Variants in HK2 observed in about 807,000 individuals in gnomAD.
HK2 encodes hexokinase-2.
A neutral mutation model predicts 92.9 loss-of-function variants in HK2; 42 were observed. The observed-to-expected ratio is 0.45, with a 90% CI of 0.35 to 0.58. The LOEUF is 0.58. Ranked by LOEUF, HK2 falls within the 20% of genes least tolerant of loss-of-function variation. The pLI is 0.00. For synonymous variants in HK2, 422 were observed against 468.0 expected (o/e 0.90, Z 1.27); for missense variants, 978 against 1,245.1 (o/e 0.79, Z 3.23).
In HK2 at chr2:74,890,604, G is replaced by A. The variant is rs114508054; in HGVS notation, c.2610-193G>A. On this transcript the variant is annotated intron_variant, in intron 17 of 17. Coordinates refer to ENST00000290573, the MANE Select transcript of HK2 (RefSeq NM_000189.5). ...TGTGGAAATTGGGCATAGTACTAGT[G>A]TCTCCAAGCCACGGTTTTCTGGTAC... Among the ~76,000 whole-genome samples, 465 of 152,290 alleles carry A rather than the reference G, an allele frequency of 3.1e-3. 1 individual carries two copies. Among genetic ancestry groups the A allele is most frequent in the African/African-American group, 0.011 (439 of 41,554 alleles).
At chr2:74,866,800 A>G (rs553710441) in intron 2 of HK2, among the ~76,000 whole-genome samples, 5 of 152,244 alleles carry the variant, frequency 3.3e-5, no homozygotes, top group African/African-American at 1.2e-4. Flanking sequence ...GATAAGCCTG[A>G]GATCCTTTGA....
At chr2:74,844,139 G>A (rs1318976490) in intron 1 of HK2, among the ~76,000 whole-genome samples, 1 of 152,200 alleles carries the variant, frequency 6.6e-6, no homozygotes, top group Non-Finnish European at 1.5e-5. Flanking sequence ...GTTTCATGGG[G>A]TTATGAGTCA....
At chr2:74,856,045 C>T (rs1024111973) in intron 2 of HK2, among the ~76,000 whole-genome samples, 2 of 152,056 alleles carry the variant, frequency 1.3e-5, no homozygotes, top group African/African-American at 4.8e-5. Context: ...GGGGCAGCTG[C>T]CAGGGCAGAG....
In HK2 at chr2:74,891,324, G is replaced by A. The variant is rs867107806; in HGVS notation, c.*383G>A. Reference sequence around the variant, plus strand: ...CCTGAACATGACATTTCTAAGTGGGGTGCATCCCCCAGCACTGATGTTGTT... The same window carrying A: ...CCTGAACATGACATTTCTAAGTGGGATGCATCCCCCAGCACTGATGTTGTT... On this transcript the variant is annotated 3_prime_UTR_variant, in exon 18 of 18. Transcript: ENST00000290573. 1 of 322,004 alleles carries A rather than the reference G, an allele frequency of 3.1e-6. No homozygotes were observed. The highest frequency in any genetic ancestry group is 2.2e-5 in the African/African-American group (1 of 46,254). 19.9% of individuals were successfully genotyped at this position (322,004 alleles called of 1,614,324 possible). A position where few individuals can be genotyped will look rare whatever the true frequency, so the allele number is the denominator to read the frequency against.
At chr2:74,877,515 A>AT (rs906060193) in intron 8 of HK2, among the ~76,000 whole-genome samples, 194 bp downstream of exon 8, 2 of 152,026 alleles carry the variant, frequency 1.3e-5, no homozygotes, top group African/African-American at 2.4e-5. Flanking sequence ...TTCGATTGTG[A>AT]TTGCTACCAG....
At chr2:74,860,432 C>G (rs1374638433) in intron 2 of HK2, among the ~76,000 whole-genome samples, 3 of 152,216 alleles carry the variant, frequency 2.0e-5, no homozygotes, top group African/African-American at 7.2e-5. Context: ...CCTGATCCCC[C>G]CAGAGGCAAT....
At chr2:74,842,792 C>A in intron 1 of HK2, among the ~76,000 whole-genome samples, 1 of 152,346 alleles carries the variant, frequency 6.6e-6, no homozygotes, top group South Asian at 2.1e-4. Context: ...GTGGCTCCCC[C>A]ATTCGAGGTC....
In HK2 at chr2:74,834,518, C is replaced by G. The variant is rs1688101125; in HGVS notation, c.-63C>G. ...AGCACAAAGCAGTCGGACCGCGCCGCCCGCCTCCCCTCTCGCGTCTCCGCC... is the reference window on the plus strand; with the variant it reads ...AGCACAAAGCAGTCGGACCGCGCCGGCCGCCTCCCCTCTCGCGTCTCCGCC... On this transcript the variant is annotated 5_prime_UTR_variant, in exon 1 of 18. Transcript: ENST00000290573. This position sits in a 1 kb window ranked among gnomAD's most constrained non-coding sequence, Gnocchi z 4.2. 6.5e-7 allele frequency: 1 copy of G among 1,547,562 alleles called. No individual in the cohort carries two copies. Among genetic ancestry groups the G allele is most frequent in the South Asian group, 1.1e-5 (1 of 89,612 alleles).
Position 74,892,179 on chromosome 2 carries a change from A to C in HK2, c.*1238A>C. The stretch of plus-strand genomic sequence containing the variant: ...ATGGACTCATGGCTTAGAAATCTTT[A>C]TTCTTAGGGCAGTCAGTAGTATTCT... On this transcript the variant is annotated 3_prime_UTR_variant, in exon 18 of 18. Coordinates refer to ENST00000290573, the MANE Select transcript of HK2 (RefSeq NM_000189.5). 1 of 152,350 alleles carries C rather than the reference A, an allele frequency of 6.6e-6. No individual in the cohort carries two copies. The highest frequency in any genetic ancestry group is 1.5e-5 in the Non-Finnish European group (1 of 68,034). The allele number at this position is 152,350 out of a possible 1,614,324, so 9.4% of individuals were successfully genotyped here. A position where few individuals can be genotyped will look rare whatever the true frequency, so the allele number is the denominator to read the frequency against.
At position 74,880,324 on chromosome 2, in the gene HK2, T is replaced by G. The variant is rs1284910992; in HGVS notation, c.1325T>G (p.Phe442Cys). 6.2e-7 allele frequency: 1 copy of G among 1,614,154 alleles called. No homozygotes were observed. Among genetic ancestry groups the G allele is most frequent in the Non-Finnish European group, 8.5e-7 (1 of 1,180,026 alleles). ...CTGGTGCCCGGCTGCGATGTCCGCT[T>G]CCTCCGCTCCGAGGATGGCAGTGGC... ...RRLVPGCDVR[F>C]LRSEDGSGKG... Residue 442 changes from phenylalanine to cysteine, a missense_variant, in exon 10 of 18, where the codon TTC (phenylalanine) becomes TGC (cysteine). Physicochemically the swap from Phe to Cys is radical, Grantham distance 205. This residue lies in a region of HK2 where 742 missense variants were observed against 922.5 expected (regional missense o/e 0.80). Coordinates refer to ENST00000290573, the MANE Select transcript of HK2 (RefSeq NM_000189.5).
At chr2:74,863,255 GCTCTGTTTTT>G (rs1478549595) in intron 2 of HK2, among the ~76,000 whole-genome samples, 6 of 152,202 alleles carry the variant, frequency 3.9e-5, no homozygotes, top group African/African-American at 1.4e-4. Flanking sequence ...AGTTGGAGCA[GCTCTGTTTTT>G]CTCTATTTTA....
intron 1 of HK2, among the ~76,000 whole-genome samples, chr2:74,841,134 A>G (rs1480457431): frequency 6.6e-6 from 1 of 152,162 alleles, no homozygotes; most frequent in Non-Finnish European, 1.5e-5. Flanking sequence ...CACCTTACTC[A>G]AATTTCCAGA....
chr2:74,855,814 TG>T (rs1688682871), intron 2 of HK2, among the ~76,000 whole-genome samples: 1 of 151,850 alleles, frequency 6.6e-6, no homozygotes, highest in Non-Finnish European at 1.5e-5. Flanking sequence ...CTCTGGTGGG[TG>T]GGCAAAAAGA....
chr2:74,885,740 G>C, intron 13 of HK2, 151 bp downstream of exon 13: 2 of 700,934 alleles, frequency 2.9e-6, no homozygotes, highest in Non-Finnish European at 2.6e-6. Context: ...AGTGTGCACT[G>C]TGTGTCAAGC....
chr2:74,885,086 C>T (rs1689488867), intron 12 of HK2, among the ~76,000 whole-genome samples: 1 of 152,208 alleles, frequency 6.6e-6, no homozygotes, highest in Non-Finnish European at 1.5e-5. Flanking sequence ...GAAGAAGTTG[C>T]ACAGCAGGGT....
chr2:74,882,996 T>A (rs1689440120), intron 12 of HK2, among the ~76,000 whole-genome samples: 1 of 152,062 alleles, frequency 6.6e-6, no homozygotes, highest in Non-Finnish European at 1.5e-5. Flanking sequence ...ATGAAGTAGG[T>A]GCATGAGGAT....
intron 3 of HK2, among the ~76,000 whole-genome samples, chr2:74,868,895 G>T (rs1558797885): frequency 6.6e-6 from 1 of 152,190 alleles, no homozygotes; most frequent in Non-Finnish European, 1.5e-5. Context: ...CTGACAACAT[G>T]CAGGGGCCAG....
intron 2 of HK2, among the ~76,000 whole-genome samples, chr2:74,864,280 C>G (rs1265287071): frequency 6.6e-6 from 1 of 152,202 alleles, no homozygotes; most frequent in Non-Finnish European, 1.5e-5. Flanking sequence ...GCGTTTATAG[C>G]CATGTCACGT....
At chr2:74,838,729 G>A (rs1479079595) in intron 1 of HK2, among the ~76,000 whole-genome samples, 2 of 151,920 alleles carry the variant, frequency 1.3e-5, no homozygotes, top group African/African-American at 2.4e-5. Flanking sequence ...TAGTAGAGAC[G>A]AGGTTTCACC....
Sources: gnomAD v4.1 joint callset for allele counts (sites outside exome capture counted in the v4.1 genomes callset) on GRCh38, gnomAD v4.1.1 for gene constraint, gnomAD v4.1.1 regional missense constraint, Gnocchi (gnomAD v3.1) non-coding constraint, MANE v1.5 for transcripts, NCBI Gene and HGNC (gene_info 2026-07-23, HGNC 2026-07-21) for gene names.